DCAF6: variants seen among roughly 807,000 people sequenced by gnomAD.
DCAF6 encodes DDB1 and CUL4 associated factor 6.
A neutral mutation model predicts 125.1 loss-of-function variants in DCAF6; 54 were observed. The observed-to-expected ratio is 0.43, with a 90% CI of 0.35 to 0.54. The LOEUF is 0.54. DCAF6 is among the 20% of genes least tolerant of loss of function. The pLI, the probability that DCAF6 is intolerant of heterozygous loss-of-function variation, is 0.01. For synonymous variants in DCAF6, 371 were observed against 390.4 expected (o/e 0.95, Z 0.58); for missense variants, 934 against 1,161.7 (o/e 0.80, Z 2.85).
At chr1:168,009,248 T>C (rs1419413216) in intron 10 of DCAF6, among the ~76,000 whole-genome samples, 1 of 152,012 alleles carries the variant, frequency 6.6e-6, no homozygotes, top group Non-Finnish European at 1.5e-5. Context: ...TCCGCCCTCC[T>C]CGGCCTCCCA....
chr1:168,015,742 A>T, intron 10 of DCAF6, 39 bp from the exon 11 acceptor site: 1 of 1,394,944 alleles, frequency 7.2e-7, no homozygotes, highest in South Asian at 1.7e-5. Flanking sequence ...TTTCTATTTT[A>T]TTACTGTCTT....
chr1:167,967,151 T>C (rs1676538839), intron 3 of DCAF6, among the ~76,000 whole-genome samples: 1 of 152,174 alleles, frequency 6.6e-6, no homozygotes, highest in African/African-American at 2.4e-5. Context: ...TGGTCATTGT[T>C]TCGTTTTCTT....
intron 1 of DCAF6, among the ~76,000 whole-genome samples, chr1:167,950,218 C>T (rs1405958316): frequency 6.6e-6 from 1 of 152,152 alleles, no homozygotes; most frequent in East Asian, 1.9e-4. Context: ...TAATTGCTGT[C>T]ATATTGTTAA....
the DCAF6 span, among the ~76,000 whole-genome samples, chr1:167,895,368 A>C: frequency 4.3e-3 from 657 of 152,158 alleles, 3 homozygotes; most frequent in African/African-American, 0.015. Context: ...TTTCCTGATC[A>C]ATGTTTGTAC....
chr1:167,888,136 T>C, the DCAF6 span, among the ~76,000 whole-genome samples: 4 of 152,364 alleles, frequency 2.6e-5, no homozygotes, highest in South Asian at 4.1e-4. Flanking sequence ...CACTGGTCTA[T>C]GTGTCTGTTT....
At chr1:167,999,024 T>A (rs1438103217) in intron 7 of DCAF6, among the ~76,000 whole-genome samples, 6 of 152,154 alleles carry the variant, frequency 3.9e-5, no homozygotes, top group Non-Finnish European at 5.9e-5. Flanking sequence ...GGAATCACTA[T>A]CTGTGGCAGC....
rs563523947 is a variant in DCAF6, at chr1:168,040,487, T to A, written c.1727+1999T>A. 8.4e-5 allele frequency among the ~76,000 whole-genome samples: 12 copies of A among 143,080 alleles called. No homozygotes were observed. The East Asian group carries it at 1.8e-3, about 21-fold the overall frequency. The allele number at this position is 143,080 out of a possible 152,430, so 93.9% of individuals were successfully genotyped here. ...AAGGATGGGAGCAGTGGAGGTGGTT[T>A]AAAAAAAAAAAAAGTGATGGGATTC... On this transcript the variant is annotated intron_variant, in intron 13 of 21. Transcript: ENST00000367840.
intron 19 of DCAF6, 117 bp from the exon 20 acceptor site, chr1:168,066,260 T>C (rs1050407692): frequency 1.5e-5 from 8 of 525,950 alleles, no homozygotes; most frequent in Non-Finnish European, 2.6e-5. Context: ...GTTAAATATA[T>C]AGTGTACAAT....
chr1:167,914,018 G>C, the DCAF6 span: 1 of 152,334 alleles, frequency 6.6e-6, no homozygotes, highest in Non-Finnish European at 1.5e-5. Context: ...ACCTCAGTTA[G>C]GGACTAGGTC....
upstream of DCAF6, among the ~76,000 whole-genome samples, chr1:167,935,239 T>G (rs762567512): frequency 6.6e-6 from 1 of 152,146 alleles, no homozygotes; most frequent in Non-Finnish European, 1.5e-5. Flanking sequence ...CAAGCCTGGA[T>G]GAAGTAAAGC....
chr1:167,926,997 A>T, the DCAF6 span, among the ~76,000 whole-genome samples: 1 of 152,290 alleles, frequency 6.6e-6, no homozygotes, highest in East Asian at 1.9e-4. Flanking sequence ...TAAAATGATT[A>T]TTTATGCATC....
the DCAF6 span, chr1:167,893,865 G>A: frequency 6.2e-7 from 1 of 1,611,448 alleles, no homozygotes; most frequent in Non-Finnish European, 8.5e-7. Flanking sequence ...GCTTCAAAAT[G>A]CTTTCCATCA....
chr1:167,983,002 T>A (rs148233862), intron 4 of DCAF6, among the ~76,000 whole-genome samples: 30 of 152,306 alleles, frequency 2.0e-4, no homozygotes, highest in African/African-American at 7.0e-4. Context: ...GGGTTCTCTA[T>A]TCTGTTTCAT....
intron 1 of DCAF6, among the ~76,000 whole-genome samples, chr1:167,949,364 A>T (rs139811354): frequency 6.6e-6 from 1 of 152,242 alleles, no homozygotes; most frequent in Non-Finnish European, 1.5e-5. Flanking sequence ...GCCTTGGAAT[A>T]TATAACAATT....
chr1:167,904,132 G>A, the DCAF6 span: 1 of 581,214 alleles, frequency 1.7e-6, no homozygotes, highest in Admixed American at 3.0e-5. Flanking sequence ...TTGTAGCCCA[G>A]GCTGGAGGGC....
At chr1:167,930,741 T>C in the DCAF6 span, among the ~76,000 whole-genome samples, 1 of 152,238 alleles carries the variant, frequency 6.6e-6, no homozygotes, top group Non-Finnish European at 1.5e-5. Flanking sequence ...CTCTTTCTAC[T>C]GTACCATACA....
At chr1:167,899,714 G>C in the DCAF6 span, 11 of 1,280,580 alleles carry the variant, frequency 8.6e-6, no homozygotes, top group African/African-American at 1.5e-5. Context: ...CCATAATCTT[G>C]GTGGGACTAT....
intron 1 of DCAF6, among the ~76,000 whole-genome samples, chr1:167,948,134 CTTT>C (rs34716266): frequency 1.5e-5 from 2 of 132,846 alleles, no homozygotes; most frequent in Admixed American, 7.5e-5. Flanking sequence ...TTTCTTAGTC[CTTT>C]TTTTTTTTTT....
chr1:167,935,938 C>T, upstream of DCAF6: 1 of 926,422 alleles, frequency 1.1e-6, no homozygotes, highest in Non-Finnish European at 1.7e-6. Flanking sequence ...CCTGCCACGA[C>T]GACTCGCGTC....
Sources: gnomAD v4.1 joint callset for allele counts (sites outside exome capture counted in the v4.1 genomes callset) on GRCh38, gnomAD v4.1.1 for gene constraint, MANE v1.5 for transcripts, NCBI Gene and HGNC (gene_info 2026-07-23, HGNC 2026-07-21) for gene names.